The following RORA variants were observed in gnomAD, a reference collection of about 807,000 sequenced individuals.
RORA encodes nuclear receptor ROR-alpha.
RORA carries 7 observed loss-of-function variants against 69.5 expected under a neutral mutation model. The observed-to-expected ratio is 0.10, with a 90% confidence interval of 0.06 to 0.19. RORA has a LOEUF of 0.19. Ranked by LOEUF, RORA falls within the 10% of genes least tolerant of loss-of-function variation. RORA has a pLI of 1.00. For missense variants in RORA, 457 were observed against 663.0 expected (o/e 0.69, Z 3.41); for synonymous variants, 261 against 240.8 (o/e 1.08, Z -0.78).
At chr15:61,014,935 G>C (rs551096494) in intron 1 of RORA, among the ~76,000 whole-genome samples, 2 of 152,224 alleles carry the variant, frequency 1.3e-5, no homozygotes, top group South Asian at 4.1e-4. Context: ...TTTAATCTGA[G>C]ATATTTTATC....
chr15:60,997,282 G>A (rs979911281), intron 1 of RORA, among the ~76,000 whole-genome samples: 12 of 152,044 alleles, frequency 7.9e-5, no homozygotes, highest in African/African-American at 9.7e-5. Context: ...AAAAGGTATC[G>A]GATTTATAGG....
chr15:61,124,870 A>G (rs375146869), intron 1 of RORA, among the ~76,000 whole-genome samples: 75 of 152,128 alleles, frequency 4.9e-4, no homozygotes, highest in African/African-American at 1.6e-3. Flanking sequence ...TGACTCTATC[A>G]CTGTAATCCC....
intron 4 of RORA, among the ~76,000 whole-genome samples, chr15:60,513,186 C>T (rs956603984): frequency 6.6e-6 from 1 of 152,220 alleles, no homozygotes; most frequent in Non-Finnish European, 1.5e-5. Context: ...CCAGTTTCCA[C>T]AACTCAGATA....
chr15:60,652,315 A>G (rs2140699950), intron 2 of RORA, among the ~76,000 whole-genome samples: 1 of 152,360 alleles, frequency 6.6e-6, no homozygotes, highest in South Asian at 2.1e-4. Flanking sequence ...AGGCATAAGT[A>G]GGGCCAATGG....
intron 1 of RORA, among the ~76,000 whole-genome samples, chr15:60,685,425 AT>A (rs2140762961): frequency 6.6e-6 from 1 of 152,330 alleles, no homozygotes; most frequent in South Asian, 2.1e-4. Context: ...ATAGCTAATA[AT>A]TGTTTTCTAA....
At chr15:61,089,997 A>G (rs1439782292) in intron 1 of RORA, among the ~76,000 whole-genome samples, 1 of 152,250 alleles carries the variant, frequency 6.6e-6, no homozygotes, top group Non-Finnish European at 1.5e-5. Flanking sequence ...AATTCACTCT[A>G]TCTCTAGCCC....
Position 60,625,980 on chromosome 15 carries a change from G to A in RORA, c.196+52677C>T, listed in dbSNP as rs114958699. On this transcript the variant is annotated intron_variant, in intron 2 of 10. Transcript: ENST00000335670. The stretch of plus-strand genomic sequence containing the variant: ...GAGCTTTGTAACATTTTCTAGGGAT[G>A]GGGGTCGACAAGTTGTGTCTTCAGA... Among the ~76,000 whole-genome samples, 1,078 of 152,348 alleles carry A rather than the reference G, an allele frequency of 7.1e-3. 16 individuals carry two copies. The highest frequency in any genetic ancestry group is 0.025 in the African/African-American group (1,025 of 41,578).
chr15:60,944,990 G>C (rs1057345682), intron 1 of RORA, among the ~76,000 whole-genome samples: 2 of 152,122 alleles, frequency 1.3e-5, no homozygotes, highest in African/African-American at 4.8e-5. Context: ...CCCGATAGGA[G>C]CAAAATGAAA....
chr15:60,672,537 A>G (rs1396908833), intron 2 of RORA, among the ~76,000 whole-genome samples: 1 of 152,222 alleles, frequency 6.6e-6, no homozygotes, highest in African/African-American at 2.4e-5. Flanking sequence ...GTGCCCCACA[A>G]GTATTAGTTA....
chr15:60,571,766 G>A (rs1471498136), intron 2 of RORA, among the ~76,000 whole-genome samples: 1 of 151,968 alleles, frequency 6.6e-6, no homozygotes, highest in Non-Finnish European at 1.5e-5. Context: ...GCTAGCTATG[G>A]GACTGTTGTA....
At chr15:60,915,389 T>TG (rs1334899412) in intron 1 of RORA, among the ~76,000 whole-genome samples, 3 of 152,130 alleles carry the variant, frequency 2.0e-5, no homozygotes, top group African/African-American at 4.8e-5. Context: ...CTGATTCCAC[T>TG]GGGGGGGCAC....
At chr15:61,031,471 A>G (rs1253676614) in intron 1 of RORA, among the ~76,000 whole-genome samples, 1 of 152,200 alleles carries the variant, frequency 6.6e-6, no homozygotes, top group African/African-American at 2.4e-5. Context: ...TCAGCAAGCA[A>G]CTAACTTCCT....
chr15:61,172,735 G>C (rs2079596473), intron 1 of RORA, among the ~76,000 whole-genome samples: 1 of 152,140 alleles, frequency 6.6e-6, no homozygotes, highest in Non-Finnish European at 1.5e-5. Flanking sequence ...CTGGAAAGCA[G>C]TTTTCTACTA....
chr15:60,781,851 G>T (rs1198505025), intron 1 of RORA, among the ~76,000 whole-genome samples: 1 of 152,164 alleles, frequency 6.6e-6, no homozygotes, highest in Non-Finnish European at 1.5e-5. Context: ...CCAGATTTTG[G>T]AGTCTGGGCA....
intron 1 of RORA, among the ~76,000 whole-genome samples, chr15:60,907,185 C>T (rs1233517478): frequency 1.3e-5 from 2 of 152,120 alleles, no homozygotes; most frequent in Non-Finnish European, 2.9e-5. Context: ...ATGAGGTAAA[C>T]AAGGTACAGA....
intron 2 of RORA, among the ~76,000 whole-genome samples, chr15:60,674,958 G>T (rs1410351387): frequency 6.6e-6 from 1 of 152,128 alleles, no homozygotes; most frequent in Non-Finnish European, 1.5e-5. Context: ...GATGCCTCTG[G>T]AAACGGTTCA....
chr15:61,132,551 A>G (rs983303295), intron 1 of RORA, among the ~76,000 whole-genome samples: 1 of 152,224 alleles, frequency 6.6e-6, no homozygotes, highest in Non-Finnish European at 1.5e-5. Context: ...GTCAAAAGAT[A>G]AATAATGAAA....
chr15:61,023,660 G>A (rs1211844356), intron 1 of RORA, among the ~76,000 whole-genome samples: 3 of 152,194 alleles, frequency 2.0e-5, no homozygotes, highest in Admixed American at 2.0e-4. Context: ...TGTTGCTGGT[G>A]TTGCTGCAGT....
chr15:60,752,201 T>C (rs985614232), intron 1 of RORA, among the ~76,000 whole-genome samples: 2 of 152,064 alleles, frequency 1.3e-5, no homozygotes, highest in Admixed American at 6.6e-5. Flanking sequence ...CTTAGAGCAG[T>C]AATCACAACC....
Sources: allele counts gnomAD v4.1 joint callset (sites outside exome capture counted in the v4.1 genomes callset), GRCh38; gene constraint gnomAD v4.1.1; transcripts MANE v1.5; gene names NCBI Gene and HGNC (gene_info 2026-07-23, HGNC 2026-07-21).